The following PRICKLE1 variants were observed in gnomAD, a reference collection of about 807,000 sequenced individuals.
PRICKLE1 encodes prickle-like protein 1.
Under a neutral mutation model 70.2 loss-of-function variants are expected in PRICKLE1, and 14 were observed. The ratio of observed to expected loss-of-function variants is 0.20; its 90% CI spans 0.13 to 0.31. The LOEUF is 0.31. Ranked by LOEUF, PRICKLE1 falls within the 10% of genes least tolerant of loss-of-function variation. PRICKLE1 has a pLI of 1.00. For missense variants in PRICKLE1, 821 were observed against 1,026.2 expected (o/e 0.80, Z 2.73); for synonymous variants, 357 against 379.9 (o/e 0.94, Z 0.70).
chr12:42,487,243 C>T (rs1939006529), intron 1 of PRICKLE1, among the ~76,000 whole-genome samples: 1 of 152,170 alleles, frequency 6.6e-6, no homozygotes, highest in African/African-American at 2.4e-5. Flanking sequence ...TCATTATACC[C>T]TGGTGGGTCA....
At position 42,460,665 on chromosome 12, in the gene PRICKLE1, C is replaced by T. The variant is rs1428542328; in HGVS notation, c.1640G>A (p.Gly547Glu). 18 of 1,607,568 alleles carry T rather than the reference C, an allele frequency of 1.1e-5. No homozygotes were observed. The highest frequency in any genetic ancestry group is 1.5e-5 in the Non-Finnish European group (18 of 1,179,972). Residue 547 changes from glycine to glutamate, a missense_variant and splice_region_variant, in exon 8 of 8, where the codon GGG (glycine) becomes GAG (glutamate). Transcript: ENST00000345127. The stretch of plus-strand genomic sequence containing the variant: ...CTTGTTTTCTCCATCCACCGAAGCC[C>T]CTAGAAGAGAGGCCAAAACAAGATG... The part of the protein sequence containing the change: ...MDSLALSNIT[G>E]ASVDGENKPR...
intron 1 of PRICKLE1, among the ~76,000 whole-genome samples, chr12:42,527,149 T>C (rs1468672910): frequency 1.1e-5 from 1 of 90,942 alleles, no homozygotes; most frequent in Admixed American, 1.5e-4. Flanking sequence ...TTTTTTTTTT[T>C]TGGGACGGAG....
rs1398742709 is a variant in PRICKLE1, at chr12:42,457,666, AG to A, written c.*2142del. On this transcript the variant is annotated 3_prime_UTR_variant, in exon 8 of 8. Coordinates refer to ENST00000345127, the MANE Select transcript of PRICKLE1 (RefSeq NM_153026.3). ...TATGAGGAAAGTCAACTCCATCATT[AG>A]GAGTAGGCTATTAAGCAGTCACTGA... The A allele has an allele frequency of 7.9e-5, 12 of 152,256 alleles. No homozygotes were observed. Among genetic ancestry groups the A allele is most frequent in the African/African-American group, 2.7e-4 (11 of 41,452 alleles). The allele number at this position is 152,256 out of a possible 1,614,324, so 9.4% of individuals were successfully genotyped here. A position where few individuals can be genotyped will look rare whatever the true frequency, so the allele number is the denominator to read the frequency against.
chr12:42,583,658 C>A (rs1236646101), intron 1 of PRICKLE1, among the ~76,000 whole-genome samples: 1 of 152,178 alleles, frequency 6.6e-6, no homozygotes, highest in Non-Finnish European at 1.5e-5. Flanking sequence ...TGAAACATGG[C>A]ATTTACAAAT....
intron 1 of PRICKLE1, among the ~76,000 whole-genome samples, chr12:42,532,515 A>G (rs1322348203): frequency 6.6e-6 from 1 of 152,262 alleles, no homozygotes; most frequent in East Asian, 1.9e-4. Flanking sequence ...TTTCGTTAAT[A>G]TATTTTATTT....
intron 1 of PRICKLE1, among the ~76,000 whole-genome samples, chr12:42,489,237 A>G (rs532598007): frequency 2.6e-5 from 4 of 151,628 alleles, no homozygotes; most frequent in African/African-American, 7.3e-5. Flanking sequence ...CTATCTATCT[A>G]TTTGAGATAG....
chr12:42,481,098 C>G (rs1938776342), intron 1 of PRICKLE1, among the ~76,000 whole-genome samples: 1 of 152,140 alleles, frequency 6.6e-6, no homozygotes. Flanking sequence ...AGGTGATTGA[C>G]ATACCAATAC....
Position 42,552,198 on chromosome 12 carries a change from C to G in PRICKLE1, c.-49+37267G>C, listed in dbSNP as rs148556178. Among the ~76,000 whole-genome samples, 534 of 151,958 alleles carry G rather than the reference C, an allele frequency of 3.5e-3. 5 individuals are homozygous for G. The highest frequency in any genetic ancestry group is 0.012 in the African/African-American group (478 of 41,422). ...CCTCCCACCTCAGCCTCCCAAGTAG[C>G]TGGGACCACAGGTGCATGCCACCAC... is the stretch of plus-strand genomic sequence containing the variant. On this transcript the variant is annotated intron_variant, in intron 1 of 7. Transcript: ENST00000345127.
At chr12:42,524,163 T>C (rs138441662) in intron 1 of PRICKLE1, among the ~76,000 whole-genome samples, 77 of 152,350 alleles carry the variant, frequency 5.1e-4, no homozygotes, top group Middle Eastern at 3.4e-3. Flanking sequence ...CAAAGTGTTG[T>C]TTTGTATACA....
At chr12:42,503,980 T>C (rs1939359968) in intron 1 of PRICKLE1, among the ~76,000 whole-genome samples, 1 of 152,170 alleles carries the variant, frequency 6.6e-6, no homozygotes, top group African/African-American at 2.4e-5. Flanking sequence ...GCTTAAATTC[T>C]AGGTCTGTGG....
rs768827796 is a variant in PRICKLE1, at chr12:42,460,161, T to C, written c.2144A>G (p.Asn715Ser). Reference protein sequence around the residue: ...TPDNYEKFIQNKSAREIQAYI... With the variant: ...TPDNYEKFIQSKSAREIQAYI... ...TGCTTGGATCTCCCGGGCACTTTTA[T>C]TCTGTATAAATTTCTCATAGTTATC... The change falls in exon 8 of 8, where the codon AAT becomes AGT. Residue 715 changes from asparagine to serine, a missense_variant. By Grantham distance (46) the Asn-to-Ser change is conservative (BLOSUM62 1). Coordinates refer to ENST00000345127, the MANE Select transcript of PRICKLE1 (RefSeq NM_153026.3). 6.2e-7 allele frequency: 1 copy of C among 1,614,094 alleles called. No individual in the cohort carries two copies. The highest frequency in any genetic ancestry group is 1.1e-5 in the South Asian group (1 of 91,064).
At chr12:42,586,005 G>A (rs1430441723) in intron 1 of PRICKLE1, among the ~76,000 whole-genome samples, 2 of 152,166 alleles carry the variant, frequency 1.3e-5, no homozygotes, top group Non-Finnish European at 2.9e-5. Flanking sequence ...TTGGTGCCCA[G>A]ATTACTGTAC....
intron 1 of PRICKLE1, among the ~76,000 whole-genome samples, chr12:42,580,895 C>CGGAA (rs113864280): frequency 4.0e-5 from 6 of 149,086 alleles, no homozygotes; most frequent in African/African-American, 1.2e-4. Flanking sequence ...GAAGGAAGGA[C>CGGAA]GGAAGGAAGG....
At chr12:42,588,837 T>A (rs1160267322) in intron 1 of PRICKLE1, among the ~76,000 whole-genome samples, 1 of 152,238 alleles carries the variant, frequency 6.6e-6, no homozygotes, top group Non-Finnish European at 1.5e-5. Flanking sequence ...TTCTGCTGCA[T>A]CCTGAGTCCC....
chr12:42,544,860 C>G (rs934196144), intron 1 of PRICKLE1, among the ~76,000 whole-genome samples: 1 of 152,202 alleles, frequency 6.6e-6, no homozygotes, highest in Non-Finnish European at 1.5e-5. Context: ...TATGTAGAGA[C>G]TACCACAGTT....
At chr12:42,504,030 C>T (rs1939360892) in intron 1 of PRICKLE1, among the ~76,000 whole-genome samples, 1 of 144,304 alleles carries the variant, frequency 6.9e-6, no homozygotes, top group East Asian at 1.9e-4. Flanking sequence ...TCACAAAAAT[C>T]ATATGTGGAT....
At chr12:42,471,500 ACCCT>A (rs1346925287) in intron 2 of PRICKLE1, among the ~76,000 whole-genome samples, 2 of 152,052 alleles carry the variant, frequency 1.3e-5, no homozygotes, top group African/African-American at 4.8e-5. Context: ...CCAGCACTCC[ACCCT>A]CTCCCCATTC....
At chr12:42,529,899 G>A (rs1400726431) in intron 1 of PRICKLE1, among the ~76,000 whole-genome samples, 4 of 151,388 alleles carry the variant, frequency 2.6e-5, no homozygotes, top group Non-Finnish European at 5.9e-5. Context: ...AAAAAAAAAG[G>A]AAAAAGGAAG....
chr12:42,562,122 C>T (rs1940527278), intron 1 of PRICKLE1, among the ~76,000 whole-genome samples: 2 of 151,980 alleles, frequency 1.3e-5, no homozygotes, highest in Admixed American at 1.3e-4. Flanking sequence ...GTTGGCCAGG[C>T]TGGTCTCAAA....
Sources: gnomAD v4.1 joint callset for allele counts (sites outside exome capture counted in the v4.1 genomes callset) on GRCh38, gnomAD v4.1.1 for gene constraint, MANE v1.5 for transcripts, NCBI Gene and HGNC (gene_info 2026-07-23, HGNC 2026-07-21) for gene names.